CDON: variants seen among roughly 807,000 people sequenced by gnomAD.
CDON encodes cell adhesion molecule-related/down-regulated by oncogenes.
In CDON, 73 loss-of-function variants were observed where a neutral mutation model predicts 120.9. That is an observed-to-expected ratio of 0.60 (90% confidence interval 0.50 to 0.73). The LOEUF (loss-of-function observed/expected upper bound fraction) is 0.73. Among genes scored for constraint, CDON ranks in the 30% least tolerant of loss-of-function variants. CDON has a pLI of 0.00. For synonymous variants in CDON, 566 were observed against 573.5 expected (o/e 0.99, Z 0.19); for missense variants, 1,470 against 1,587.3 (o/e 0.93, Z 1.26).
chr11:126,059,299 A>G (rs1565562777), intron 1 of CDON, among the ~76,000 whole-genome samples: 1 of 152,200 alleles, frequency 6.6e-6, no homozygotes, highest in African/African-American at 2.4e-5. Flanking sequence ...CTGTACTTAC[A>G]CTGGAGTTCA....
At position 126,010,444 on chromosome 11, in the gene CDON, G is replaced by A. The variant is rs777704059; in HGVS notation, c.1449C>T (p.Ser483=). 101 of 1,614,016 alleles carry A rather than the reference G, an allele frequency of 6.3e-5. No homozygotes were observed. The highest frequency in any genetic ancestry group is 7.8e-5 in the Non-Finnish European group (92 of 1,180,004). Residue 483 remains serine (S), a synonymous_variant, in exon 8 of 20, where the codon AGC becomes AGT. Transcript: ENST00000531738. ...VYFVLSQAGA[S]SLHIQAVTQE... is the part of the protein sequence containing the mutation. ...GAGTCACAGCCTGAATATGGAGAGAGCTTGCACCAGCTTGGGACAGGACGA... is the reference window on the plus strand; with the variant it reads ...GAGTCACAGCCTGAATATGGAGAGAACTTGCACCAGCTTGGGACAGGACGA...
chr11:125,967,415 T>A (rs1945835852), intron 18 of CDON, among the ~76,000 whole-genome samples: 1 of 152,162 alleles, frequency 6.6e-6, no homozygotes, highest in Non-Finnish European at 1.5e-5. Flanking sequence ...CAATATTGAT[T>A]CTGTGATCTG....
chr11:126,020,661 T>C (rs1341684522), intron 3 of CDON, among the ~76,000 whole-genome samples: 3 of 152,230 alleles, frequency 2.0e-5, no homozygotes, highest in African/African-American at 4.8e-5. Flanking sequence ...CCATCACCGT[T>C]TGAAACGCAG....
rs1012391751 is a variant in CDON at position 125,957,384 on chromosome 11, C to T, written c.*3558G>A. ...AATTTCAGAGGAAGACATTCGCCCA[C>T]CCCAATCACAAACTATAAGCAGCGT... On this transcript the variant is annotated 3_prime_UTR_variant, in exon 20 of 20. Coordinates refer to ENST00000531738, the MANE Select transcript of CDON (RefSeq NM_001378964.1). 1.3e-5 allele frequency: 2 copies of T among 152,188 alleles called. No individual in the cohort carries two copies. Among genetic ancestry groups the T allele is most frequent in the South Asian group, 2.1e-4 (1 of 4,832 alleles). The allele number at this position is 152,188 out of a possible 1,614,324, so 9.4% of individuals were successfully genotyped here.
At chr11:126,035,795 A>G (rs1948077360) in intron 1 of CDON, among the ~76,000 whole-genome samples, 1 of 152,132 alleles carries the variant, frequency 6.6e-6, no homozygotes. Flanking sequence ...AAAATAGAAA[A>G]ACAAATCAAT....
chr11:125,993,395 GCACACA>G (rs72031190), intron 14 of CDON, among the ~76,000 whole-genome samples: 47,349 of 150,316 alleles, frequency 0.31, 7,611 homozygotes, highest in African/African-American at 0.36. Flanking sequence ...GCGCGTGCGT[GCACACA>G]CACACACACA....
intron 1 of CDON, among the ~76,000 whole-genome samples, chr11:126,055,900 A>G (rs930142682): frequency 1.3e-5 from 2 of 152,238 alleles, no homozygotes; most frequent in African/African-American, 4.8e-5. Flanking sequence ...TAAAGTGAAA[A>G]GAGCCAGCAA....
At chr11:126,025,801 A>G (rs1329927613) in intron 1 of CDON, among the ~76,000 whole-genome samples, 1 of 152,220 alleles carries the variant, frequency 6.6e-6, no homozygotes, top group East Asian at 1.9e-4. Flanking sequence ...ATGTATATAT[A>G]AAAATAAGTA....
chr11:126,047,660 C>G (rs986423468), intron 1 of CDON, among the ~76,000 whole-genome samples: 4 of 152,146 alleles, frequency 2.6e-5, no homozygotes, highest in Admixed American at 6.5e-5. Flanking sequence ...TGGGATGATC[C>G]CATAGCCCCA....
chr11:125,981,152 T>C lies in CDON; in HGVS notation c.3173A>G (p.Asn1058Ser), dbSNP rs371410969. ...HLHHKVPNAV[N>S]GIVNGSLNGG... ...ATTTAGGCTCCCATTCACAATTCCA[T>C]TGACTGCATTGGGGACCTTATGGTG... Residue 1058 changes from asparagine (N) to serine (S), a missense_variant, in exon 17 of 20, where the codon AAT (asparagine) becomes AGT (serine). Asn to Ser is a conservative substitution (Grantham distance 46). Transcript: ENST00000531738. 38 of 1,614,004 alleles carry C rather than the reference T, an allele frequency of 2.4e-5. No homozygotes were observed. The South Asian group carries it at 3.1e-4, about 13-fold the overall frequency.
rs563503917 is a variant in CDON, at chr11:126,015,132, A to G, written c.1198+109T>C. ...CATGGAAAATGAACACCGTTCTTGT[A>G]CGGTGCTAGGGTTATTTTCTTTTAG... On this transcript the variant is annotated intron_variant, in intron 7 of 19. Coordinates refer to ENST00000531738, the MANE Select transcript of CDON (RefSeq NM_001378964.1). 785 of 1,055,942 alleles carry G rather than the reference A, an allele frequency of 7.4e-4. 8 individuals are homozygous for G. The highest frequency in any genetic ancestry group is 5.4e-3 in the South Asian group (415 of 76,872). 65.4% of individuals were successfully genotyped at this position (1,055,942 alleles called of 1,614,324 possible). A position where few individuals can be genotyped will look rare whatever the true frequency, so the allele number is the denominator to read the frequency against.
At chr11:126,048,506 G>A (rs1371248435) in intron 1 of CDON, among the ~76,000 whole-genome samples, 1 of 152,132 alleles carries the variant, frequency 6.6e-6, no homozygotes, top group Non-Finnish European at 1.5e-5. Context: ...TTTATAGTTA[G>A]AAGGCAAAGC....
chr11:125,979,538 C>G (rs1946237059), intron 17 of CDON, among the ~76,000 whole-genome samples: 1 of 152,074 alleles, frequency 6.6e-6, no homozygotes, highest in Non-Finnish European at 1.5e-5. Context: ...TCTCTATTTC[C>G]CCCACCCAGA....
At chr11:125,976,572 GAA>G (rs1946154927) in intron 18 of CDON, among the ~76,000 whole-genome samples, 2 of 150,498 alleles carry the variant, frequency 1.3e-5, no homozygotes, top group South Asian at 4.2e-4. Context: ...ATAAAAACTT[GAA>G]AATACTAAAA....
At chr11:125,986,589 C>T (rs1324638581) in intron 15 of CDON, among the ~76,000 whole-genome samples, 1 of 151,990 alleles carries the variant, frequency 6.6e-6, no homozygotes, top group Non-Finnish European at 1.5e-5. Flanking sequence ...CACGGTGAAA[C>T]CCCATCTCTA....
intron 1 of CDON, among the ~76,000 whole-genome samples, chr11:126,040,814 C>CAAAAAAAAAA (rs71048763): frequency 8.9e-5 from 4 of 45,016 alleles, no homozygotes; most frequent in African/African-American, 2.5e-4. Context: ...GACTCCGTCT[C>CAAAAAAAAAA]AAAAAAAAAA....
chr11:126,040,882 T>G (rs1407972465), intron 1 of CDON, among the ~76,000 whole-genome samples: 2 of 123,686 alleles, frequency 1.6e-5, no homozygotes, highest in African/African-American at 3.0e-5. Flanking sequence ...AAGAGCATGG[T>G]GCAGCGCTAC....
chr11:125,978,982 G>A (rs145157571), intron 17 of CDON, among the ~76,000 whole-genome samples: 3,612 of 152,234 alleles, frequency 0.024, 57 homozygotes, highest in Middle Eastern at 0.044. Flanking sequence ...TGCTTTTGGC[G>A]GAAACTGCCC....
In CDON at chr11:126,010,626, T is replaced by G; in HGVS notation, c.1267A>C (p.Thr423Pro). 1 of 1,614,130 alleles carries G rather than the reference T, an allele frequency of 6.2e-7. No individual in the cohort carries two copies. The highest frequency in any genetic ancestry group is 8.5e-7 in the Non-Finnish European group (1 of 1,180,004). The change falls in exon 8 of 20, where the codon ACT becomes CCT. Residue 423 changes from threonine (T) to proline (P), a missense_variant. Physicochemically the swap from Thr to Pro is conservative, Grantham distance 38. Transcript: ENST00000531738. ...AGCCCACTGGCATTGCAGGACAGAG[T>G]AACAAAGTCTCCGTCTGCAACCTTT... Reference protein sequence around the residue: ...SAKVADGDFVTLSCNASGLPV... With the variant: ...SAKVADGDFVPLSCNASGLPV...
Sources: gnomAD v4.1 joint callset for allele counts (sites outside exome capture counted in the v4.1 genomes callset) on GRCh38, gnomAD v4.1.1 for gene constraint, MANE v1.5 for transcripts, NCBI Gene and HGNC (gene_info 2026-07-23, HGNC 2026-07-21) for gene names.